Variants in VWC2L observed in about 807,000 individuals in gnomAD.
VWC2L encodes von Willebrand factor C domain-containing protein 2-like.
VWC2L carries 10 observed loss-of-function variants against 21.6 expected under a neutral mutation model. The ratio of observed to expected loss-of-function variants is 0.46; its 90% CI spans 0.29 to 0.78. VWC2L has a LOEUF of 0.78. Ranked by LOEUF, VWC2L falls within the 30% of genes least tolerant of loss-of-function variation. VWC2L has a pLI of 0.10. For synonymous variants in VWC2L, 96 were observed against 94.3 expected (o/e 1.02, Z -0.10); for missense variants, 209 against 277.1 (o/e 0.75, Z 1.74).
At chr2:214,493,616 T>C (rs1443502705) in intron 3 of VWC2L, among the ~76,000 whole-genome samples, 1 of 152,174 alleles carries the variant, frequency 6.6e-6, no homozygotes, top group African/African-American at 2.4e-5. Flanking sequence ...AGAGGAAATG[T>C]CTTTCTAACA....
Position 214,463,353 on chromosome 2 carries a change from T to C in VWC2L, c.520+26595T>C, listed in dbSNP as rs1303035617. On this transcript the variant is annotated intron_variant, in intron 3 of 3. Transcript: ENST00000312504. ...AACCATTTATAATCAGGAAATGACA[T>C]TCTTCATGCCCTTATATTTGCTCAG... Among the ~76,000 whole-genome samples, 8 of 152,304 alleles carry C rather than the reference T, an allele frequency of 5.3e-5. No homozygotes were observed. In the East Asian group the frequency reaches 1.5e-3, roughly 29 times the overall value.
intron 3 of VWC2L, among the ~76,000 whole-genome samples, chr2:214,456,469 C>G (rs751279613): frequency 6.6e-6 from 1 of 151,956 alleles, no homozygotes; most frequent in African/African-American, 2.4e-5. Flanking sequence ...CCGGACATTA[C>G]GCCTTTGTCA....
chr2:214,534,207 C>T (rs1195377681), intron 3 of VWC2L: 1 of 152,560 alleles, frequency 6.6e-6, no homozygotes, highest in African/African-American at 2.4e-5. Context: ...CAACACATCA[C>T]TCACTGTACC....
intron 3 of VWC2L, among the ~76,000 whole-genome samples, chr2:214,451,528 T>C (rs1702954733): frequency 6.6e-6 from 1 of 151,990 alleles, no homozygotes; most frequent in Non-Finnish European, 1.5e-5. Context: ...TGGAAATAGG[T>C]GGGAGATACC....
intron 3 of VWC2L, among the ~76,000 whole-genome samples, chr2:214,528,084 T>TG (rs1253271463): frequency 1.3e-5 from 2 of 152,220 alleles, no homozygotes; most frequent in Non-Finnish European, 2.9e-5. Context: ...TTTATAAACT[T>TG]TGTACTCAAA....
chr2:214,415,040 C>A (rs746229640), intron 2 of VWC2L: 5 of 169,162 alleles, frequency 3.0e-5, no homozygotes, highest in Non-Finnish European at 5.0e-5. Context: ...CAGAGATATA[C>A]TTCTTAGCTG....
chr2:214,441,496 T>C (rs901335609), intron 3 of VWC2L, among the ~76,000 whole-genome samples: 20 of 152,148 alleles, frequency 1.3e-4, no homozygotes, highest in African/African-American at 2.9e-4. Flanking sequence ...GTGGGATTGA[T>C]GGTGCCTCAT....
chr2:214,504,236 A>C (rs1688936690), intron 3 of VWC2L, among the ~76,000 whole-genome samples: 1 of 152,212 alleles, frequency 6.6e-6, no homozygotes, highest in African/African-American at 2.4e-5. Flanking sequence ...TGAAATCAGA[A>C]TGTACAAGGT....
chr2:214,436,877 G>A, intron 3 of VWC2L, 119 bp downstream of exon 3: 1 of 1,166,322 alleles, frequency 8.6e-7, no homozygotes, highest in Non-Finnish European at 1.2e-6. Context: ...TTCAATATGG[G>A]CATGGCGGAT....
intron 3 of VWC2L, among the ~76,000 whole-genome samples, chr2:214,517,980 C>T (rs1266817930): frequency 6.6e-6 from 1 of 152,174 alleles, no homozygotes; most frequent in African/African-American, 2.4e-5. Flanking sequence ...TCCTGGCTAA[C>T]ACAGTGAAAC....
At chr2:214,421,428 G>A (rs943718830) in intron 2 of VWC2L, among the ~76,000 whole-genome samples, 2 of 152,106 alleles carry the variant, frequency 1.3e-5, no homozygotes, top group Non-Finnish European at 2.9e-5. Context: ...GTTATATATA[G>A]GAGTAGTTTT....
intron 2 of VWC2L, among the ~76,000 whole-genome samples, chr2:214,416,431 C>T (rs778246797): frequency 6.6e-6 from 1 of 151,862 alleles, no homozygotes; most frequent in Non-Finnish European, 1.5e-5. Flanking sequence ...TTTCACCTGG[C>T]TTTTTGTGTC....
intron 3 of VWC2L, among the ~76,000 whole-genome samples, chr2:214,521,146 A>G (rs1689233308): frequency 6.6e-6 from 1 of 151,800 alleles, no homozygotes; most frequent in African/African-American, 2.4e-5. Context: ...AATGGTGTGA[A>G]CCTGGTAGGC....
chr2:214,421,078 T>C lies in VWC2L; in HGVS notation c.390+6495T>C, dbSNP rs116032727. Among the ~76,000 whole-genome samples, 1,505 of 152,324 alleles carry C rather than the reference T, an allele frequency of 9.9e-3. 25 individuals carry two copies. Among genetic ancestry groups the C allele is most frequent in the African/African-American group, 0.033 (1,368 of 41,558 alleles). ...CGTAATTTTTATACTCTTTGAGTAA[T>C]TTCATTCCAGAGATTAGAAGTCAAT... On this transcript the variant is annotated intron_variant, in intron 2 of 3. Transcript: ENST00000312504.
intron 3 of VWC2L, among the ~76,000 whole-genome samples, chr2:214,546,883 A>C (rs1187907325): frequency 6.6e-6 from 1 of 152,176 alleles, no homozygotes; most frequent in Non-Finnish European, 1.5e-5. Flanking sequence ...ATGATACCCT[A>C]ATTTTAATAC....
chr2:214,558,011 G>A (rs1339730497), intron 3 of VWC2L, among the ~76,000 whole-genome samples: 3 of 152,092 alleles, frequency 2.0e-5, no homozygotes, highest in African/African-American at 7.2e-5. Context: ...TCCCCAGCCT[G>A]GCCTTTGCCT....
chr2:214,481,460 T>C (rs527882869), intron 3 of VWC2L, among the ~76,000 whole-genome samples: 2 of 152,328 alleles, frequency 1.3e-5, no homozygotes, highest in South Asian at 4.1e-4. Flanking sequence ...ATCTGAGCTC[T>C]TTAGGTCTGA....
chr2:214,432,800 T>C (rs1702619424), intron 2 of VWC2L, among the ~76,000 whole-genome samples: 1 of 152,016 alleles, frequency 6.6e-6, no homozygotes, highest in Non-Finnish European at 1.5e-5. Flanking sequence ...GGTGGGTGGA[T>C]CATTTGAGGT....
At chr2:214,414,624 C>T in intron 2 of VWC2L, 41 bp downstream of exon 2, 1 of 1,589,236 alleles carries the variant, frequency 6.3e-7, no homozygotes, top group Non-Finnish European at 8.5e-7. Flanking sequence ...ATCAACTTTT[C>T]ATACCACGTG....
Sources: gnomAD v4.1 joint callset for allele counts (sites outside exome capture counted in the v4.1 genomes callset) on GRCh38, gnomAD v4.1.1 for gene constraint, MANE v1.5 for transcripts, NCBI Gene and HGNC (gene_info 2026-07-23, HGNC 2026-07-21) for gene names.